Variants in LIN28A observed in about 807,000 individuals in gnomAD.
The protein encoded by LIN28A is lin-28 RNA binding posttranscriptional regulator A, also known as protein lin-28 homolog A.
Under a neutral mutation model 21.1 loss-of-function variants are expected in LIN28A, and 11 were observed. That is an observed-to-expected ratio of 0.52 (90% CI 0.33 to 0.86). The LOEUF is 0.86. Ranked by LOEUF, LIN28A falls within the 40% of genes least tolerant of loss-of-function variation. LIN28A has a pLI of 0.03. For missense variants in LIN28A, 219 were observed against 279.8 expected, an observed-to-expected ratio of 0.78 and a Z score of 1.55; for synonymous variants, 111 against 108.7, an observed-to-expected ratio of 1.02 and a Z score of -0.13.
chr1:26,421,639 T>C (rs557130284), intron 2 of LIN28A, among the ~76,000 whole-genome samples: 9 of 152,334 alleles, frequency 5.9e-5, no homozygotes, highest in African/African-American at 1.7e-4. Flanking sequence ...TGACTTCCTT[T>C]CCCAATGGAT....
rs1024601309 is a variant in LIN28A, at chr1:26,416,924, G to A, written c.228+5342G>A. Among the ~76,000 whole-genome samples, 4 of 152,018 alleles carry A rather than the reference G, an allele frequency of 2.6e-5. 1 individual carries two copies. The highest frequency in any genetic ancestry group is 2.6e-4 in the Admixed American group (4 of 15,258). On this transcript the variant is annotated intron_variant, in intron 2 of 3. Coordinates refer to ENST00000326279, the MANE Select transcript of LIN28A (RefSeq NM_024674.6). ...CATGAGCCACCATGACTGGCCCAGC[G>A]TGGTGTTATTTAATTTAGACAGGAC...
chr1:26,425,126 T>C (rs1307808800), intron 2 of LIN28A, among the ~76,000 whole-genome samples, 177 bp from the exon 3 acceptor site: 1 of 152,236 alleles, frequency 6.6e-6, no homozygotes, highest in Non-Finnish European at 1.5e-5. Context: ...CGATTTTTGT[T>C]AATGTACTGG....
chr1:26,413,364 G>A (rs1263032825), intron 2 of LIN28A, among the ~76,000 whole-genome samples: 1 of 152,114 alleles, frequency 6.6e-6, no homozygotes, highest in Non-Finnish European at 1.5e-5. Context: ...ATACCCCAAG[G>A]AAGGTGTTTT....
intron 3 of LIN28A, 62 bp downstream of exon 3, chr1:26,425,549 C>T: frequency 6.7e-7 from 1 of 1,492,990 alleles, no homozygotes; most frequent in East Asian, 2.3e-5. Context: ...CCAATCCTGT[C>T]ACTTTTTGGG....
At chr1:26,417,323 A>ACCTCCTTGACACACAC (rs1373715342) in intron 2 of LIN28A, among the ~76,000 whole-genome samples, 2 of 151,872 alleles carry the variant, frequency 1.3e-5, no homozygotes, top group African/African-American at 2.4e-5. Flanking sequence ...CCTTTCACCA[A>ACCTCCTTGACACACAC]CCTCCTTGAC....
At chr1:26,424,823 C>T (rs1164031983) in intron 2 of LIN28A, among the ~76,000 whole-genome samples, 1 of 152,134 alleles carries the variant, frequency 6.6e-6, no homozygotes, top group Non-Finnish European at 1.5e-5. Context: ...CTCACTGCAA[C>T]CTTTGCTTCC....
In LIN28A at chr1:26,411,432, G is replaced by A. The variant is rs1449611996; in HGVS notation, c.78G>A (p.Glu26=). The A allele has an allele frequency of 1.9e-6, 3 of 1,607,502 alleles. No individual in the cohort carries two copies. The highest frequency in any genetic ancestry group is 3.4e-5 in the Admixed American group (2 of 58,962). ...AAGAGGCGCCCGAGGAGGCGCCGGA[G>A]GACGCGGCCCGGGCGGCGGACGAGC... is the stretch of plus-strand genomic sequence containing the variant. ...AAEEAPEEAP[E]DAARAADEPQ... is the part of the protein sequence containing the mutation. Residue 26 remains glutamate, a synonymous_variant, in exon 2 of 4, where the codon GAG becomes GAA. Transcript: ENST00000326279. This position sits in a 1 kb window ranked among gnomAD's most constrained non-coding sequence, Gnocchi z 5.4.
Position 26,414,122 on chromosome 1 carries a change from C to T in LIN28A, c.228+2540C>T, listed in dbSNP as rs537172109. On this transcript the variant is annotated intron_variant, in intron 2 of 3. Coordinates refer to ENST00000326279, the MANE Select transcript of LIN28A (RefSeq NM_024674.6). Reference sequence around the variant, plus strand: ...GGGATTACAGGCATGAGCCACCACTCTTCTGCATTTGTGAAATTAGAAATG... The same window carrying T: ...GGGATTACAGGCATGAGCCACCACTTTTCTGCATTTGTGAAATTAGAAATG... Among the ~76,000 whole-genome samples the T allele has an allele frequency of 4.1e-4, 63 of 152,268 alleles. 1 individual carries two copies. The South Asian group carries it at 6.4e-3, about 16-fold the overall frequency.
At chr1:26,418,669 C>G (rs186111574) in intron 2 of LIN28A, among the ~76,000 whole-genome samples, 2 of 152,144 alleles carry the variant, frequency 1.3e-5, no homozygotes, top group Non-Finnish European at 2.9e-5. Context: ...ATGGGTCATG[C>G]CTTCTCTCCC....
At chr1:26,419,057 C>G (rs566085501) in intron 2 of LIN28A, among the ~76,000 whole-genome samples, 1 of 151,398 alleles carries the variant, frequency 6.6e-6, no homozygotes, top group South Asian at 2.1e-4. Context: ...GCCCCTCCCC[C>G]TAAGGTCTTT....
intron 2 of LIN28A, among the ~76,000 whole-genome samples, chr1:26,416,208 G>A (rs2074992186): frequency 6.6e-6 from 1 of 152,098 alleles, no homozygotes. Context: ...GTCCAGGCTG[G>A]TCTCAAACTC....
Position 26,410,842 on chromosome 1 carries a change from C to T in LIN28A, c.-50C>T, listed in dbSNP as rs1248222438. The T allele has an allele frequency of 5.0e-6, 8 of 1,602,630 alleles. No homozygotes were observed. Among genetic ancestry groups the T allele is most frequent in the African/African-American group, 1.3e-5 (1 of 74,664 alleles). On this transcript the variant is annotated 5_prime_UTR_variant, in exon 1 of 4. Coordinates refer to ENST00000326279, the MANE Select transcript of LIN28A (RefSeq NM_024674.6). ...CCTTTGCCTTCGGACTTCTCCGGGG[C>T]CAGCAGCCGCCCGACCAGGGGCCCG...
At chr1:26,421,582 C>T (rs993829974) in intron 2 of LIN28A, among the ~76,000 whole-genome samples, 8 of 152,024 alleles carry the variant, frequency 5.3e-5, no homozygotes, top group African/African-American at 1.7e-4. Context: ...TGTTTAAATC[C>T]TCTGAAATGT....
At chr1:26,421,387 A>G (rs1156322015) in intron 2 of LIN28A, among the ~76,000 whole-genome samples, 1 of 152,164 alleles carries the variant, frequency 6.6e-6, no homozygotes, top group African/African-American at 2.4e-5. Flanking sequence ...CCAGTAGGTT[A>G]TTTCCAATTT....
At position 26,411,528 on chromosome 1, in the gene LIN28A, G is replaced by T; in HGVS notation, c.174G>T (p.Met58Ile). The T allele has an allele frequency of 2.5e-6, 4 of 1,614,068 alleles. No individual in the cohort carries two copies. Among genetic ancestry groups the T allele is most frequent in the Non-Finnish European group, 3.4e-6 (4 of 1,179,976 alleles). The change falls in exon 2 of 4, where the codon ATG becomes ATT. Residue 58 changes from methionine (M) to isoleucine (I), a missense_variant. Met to Ile is a conservative substitution (Grantham distance 10). This residue lies in a region of LIN28A where 124 missense variants were observed against 193.1 expected (regional missense o/e 0.64). Transcript: ENST00000326279. The surrounding 1 kb of genome is among the most constrained non-coding windows in gnomAD (Gnocchi z 5.4). ...GCATGGGGTTCGGCTTCCTGTCCAT[G>T]ACCGCCCGCGCCGGGGTCGCGCTCG... ...NVRMGFGFLS[M>I]TARAGVALDP...
intron 2 of LIN28A, among the ~76,000 whole-genome samples, chr1:26,417,001 CT>C (rs2074997262): frequency 7.4e-6 from 1 of 135,206 alleles, no homozygotes; most frequent in Admixed American, 8.3e-5. Context: ...GCCTAAAAGT[CT>C]AGGAACCTTT....
chr1:26,418,322 A>G (rs1319393971), intron 2 of LIN28A, among the ~76,000 whole-genome samples: 1 of 152,180 alleles, frequency 6.6e-6, no homozygotes, highest in South Asian at 2.1e-4. Flanking sequence ...CGAGGCGGGT[A>G]GATCATGAGG....
chr1:26,418,746 G>C (rs2075011885), intron 2 of LIN28A, among the ~76,000 whole-genome samples: 1 of 152,142 alleles, frequency 6.6e-6, no homozygotes, highest in African/African-American at 2.4e-5. Context: ...CCAAGGGGAG[G>C]GGGTCCTGTT....
intron 3 of LIN28A, 138 bp downstream of exon 3, chr1:26,425,625 A>G: frequency 1.3e-6 from 1 of 773,866 alleles, no homozygotes; most frequent in East Asian, 2.7e-5. Flanking sequence ...GAGCGCCTGC[A>G]ATAGGTGTGG....
Sources: allele counts gnomAD v4.1 joint callset (sites outside exome capture counted in the v4.1 genomes callset), GRCh38; gene constraint gnomAD v4.1.1; regional missense constraint gnomAD v4.1.1; non-coding constraint Gnocchi (gnomAD v3.1); transcripts MANE v1.5; gene names NCBI Gene and HGNC (gene_info 2026-07-23, HGNC 2026-07-21).